Variants in MIA2 observed in about 807,000 individuals in gnomAD.
MIA2 encodes the protein melanoma inhibitory activity protein 2.
MIA2 carries 127 observed loss-of-function variants against 167.8 expected under a neutral mutation model. The observed-to-expected ratio is 0.76, with a 90% CI of 0.66 to 0.88. MIA2 has a LOEUF of 0.88. Among genes scored for constraint, MIA2 ranks in the 40% least tolerant of loss-of-function variants. The probability of loss-of-function intolerance (pLI) is 0.00; values close to 1 mark genes in which losing one functional copy is unlikely to be tolerated. For synonymous variants in MIA2, 552 were observed against 541.9 expected, an observed-to-expected ratio of 1.02 and a Z score of -0.26; for missense variants, 1,690 against 1,624.7, an observed-to-expected ratio of 1.04 and a Z score of -0.69.
intron 23 of MIA2, among the ~76,000 whole-genome samples, chr14:39,373,802 T>C (rs1016060307): frequency 6.6e-6 from 1 of 151,898 alleles, no homozygotes; most frequent in Non-Finnish European, 1.5e-5. Flanking sequence ...GCCTGCATGA[T>C]AGAGCAAGAG....
intron 25 of MIA2, among the ~76,000 whole-genome samples, chr14:39,329,644 G>C (rs549159413): frequency 8.7e-6 from 1 of 114,654 alleles, no homozygotes; most frequent in Admixed American, 9.0e-5. Flanking sequence ...TCACTACCTA[G>C]TTTATTGAGT....
rs1198350454 is a variant in MIA2 at position 39,308,597 on chromosome 14, A to G, written c.3017+10A>G. 6.5e-7 allele frequency: 1 copy of G among 1,534,126 alleles called. No homozygotes were observed. On this transcript the variant is annotated intron_variant, in intron 18 of 28. Transcript: ENST00000640607. ...AAATGAAACTCCACAGGTAATAAAA[A>G]TTATGTTAACTCCATTGAACAGCAA...
Position 39,249,018 on chromosome 14 carries a change from T to C in MIA2, c.1567+877T>C, listed in dbSNP as rs140878698. Among the ~76,000 whole-genome samples the C allele has an allele frequency of 6.6e-4, 100 of 152,290 alleles. No individual in the cohort carries two copies. The East Asian group carries it at 0.017, about 26-fold the overall frequency. On this transcript the variant is annotated intron_variant, in intron 4 of 28. Transcript: ENST00000640607. ...CCGCCCAAACTGCTAGGATTACAGG[T>C]GTGAGCCATCGTGCCTGGCCAGCTA...
At chr14:39,349,081 T>C (rs2074000701) in intron 28 of MIA2, 104 bp downstream of exon 28, 1 of 1,340,630 alleles carries the variant, frequency 7.5e-7, no homozygotes, top group Admixed American at 2.4e-5. Context: ...AGGAAAGTTT[T>C]TTCTAGCATT....
intron 25 of MIA2, among the ~76,000 whole-genome samples, chr14:39,330,243 A>G (rs2068514816): frequency 1.3e-5 from 2 of 152,234 alleles, no homozygotes; most frequent in Non-Finnish European, 2.9e-5. Flanking sequence ...TAGATTTTCT[A>G]GTTTGTTCAC....
chr14:39,300,915 C>CATAT (rs113051095), intron 14 of MIA2, among the ~76,000 whole-genome samples: 2 of 142,482 alleles, frequency 1.4e-5, no homozygotes, highest in African/African-American at 2.6e-5. Context: ...CAGAATTTGG[C>CATAT]ATATATATAT....
At chr14:39,293,165 A>C (rs8018990) in intron 10 of MIA2, 106 bp from the exon 11 acceptor site, 333,967 of 793,778 alleles carry the variant, frequency 0.42, 73,178 homozygotes, top group Non-Finnish European at 0.46. Context: ...GCAAATGTAT[A>C]AATGAAAGTT....
intron 9 of MIA2, among the ~76,000 whole-genome samples, chr14:39,288,466 TATATA>T (rs2060207053): frequency 2.9e-4 from 11 of 37,750 alleles, no homozygotes; most frequent in African/African-American, 1.6e-3. Context: ...TATATATATA[TATATA>T]TATATTTTTT....
At chr14:39,249,724 C>T (rs2054475378) in intron 4 of MIA2, among the ~76,000 whole-genome samples, 7 of 152,124 alleles carry the variant, frequency 4.6e-5, no homozygotes, top group Admixed American at 4.6e-4. Flanking sequence ...TCCGACATCT[C>T]CATCCTTATG....
chr14:39,332,510 A>G (rs1001745053), intron 25 of MIA2, among the ~76,000 whole-genome samples: 1 of 152,148 alleles, frequency 6.6e-6, no homozygotes, highest in African/African-American at 2.4e-5. Context: ...ATCCTTTGAA[A>G]GACGAGGCAT....
downstream of MIA2, among the ~76,000 whole-genome samples, chr14:39,355,292 C>T (rs557089767): frequency 1.5e-4 from 23 of 152,240 alleles, no homozygotes; most frequent in African/African-American, 5.5e-4. Flanking sequence ...AAGTTGGATT[C>T]CTAGGTATTT....
intron 23 of MIA2, among the ~76,000 whole-genome samples, chr14:39,380,575 C>T (rs1361391800): frequency 6.6e-6 from 1 of 151,640 alleles, no homozygotes; most frequent in Admixed American, 6.6e-5. Context: ...CCTCTGTAGT[C>T]CCAGCTACTA....
At chr14:39,295,526 TACTC>T (rs1409517926) in intron 13 of MIA2, among the ~76,000 whole-genome samples, 3 of 152,164 alleles carry the variant, frequency 2.0e-5, no homozygotes, top group South Asian at 2.1e-4. Flanking sequence ...ATCCAAATAT[TACTC>T]ACACCAGAGC....
intron 24 of MIA2, among the ~76,000 whole-genome samples, chr14:39,326,038 TA>T (rs1436943370): frequency 6.6e-6 from 1 of 152,220 alleles, no homozygotes; most frequent in Non-Finnish European, 1.5e-5. Context: ...TTAATTAAGG[TA>T]CTATCTTTTC....
rs765430399 is a variant in MIA2, at chr14:39,279,431, T to C, written c.2042-18T>C. 5.6e-6 allele frequency: 9 copies of C among 1,603,342 alleles called. No individual in the cohort carries two copies. The highest frequency in any genetic ancestry group is 4.0e-5 in the African/African-American group (3 of 74,106). On this transcript the variant is annotated intron_variant, in intron 8 of 28. Transcript: ENST00000640607. The stretch of plus-strand genomic sequence containing the variant: ...TTATAATAATTTACTCATGGTAATA[T>C]TGACTTGACTTTTTTAGGACGAGAG...
intron 25 of MIA2, among the ~76,000 whole-genome samples, chr14:39,345,404 T>C (rs1360342767): frequency 6.6e-6 from 1 of 152,162 alleles, no homozygotes; most frequent in Non-Finnish European, 1.5e-5. Context: ...AGATACTAAA[T>C]TCCAAAACGT....
chr14:39,381,174 C>A (rs2075153928), intron 23 of MIA2, among the ~76,000 whole-genome samples: 2 of 152,028 alleles, frequency 1.3e-5, no homozygotes. Flanking sequence ...TTAAGGAATC[C>A]TAGGCTGTTA....
At chr14:39,320,839 C>T in intron 23 of MIA2, 89 bp from the exon 24 acceptor site, 1 of 1,402,448 alleles carries the variant, frequency 7.1e-7, no homozygotes, top group African/African-American at 1.4e-5. Context: ...AATAGGATGA[C>T]CTGATGGTAA....
chr14:39,302,368 C>CAGAA, intron 15 of MIA2, 119 bp downstream of exon 15: 1 of 1,098,758 alleles, frequency 9.1e-7, no homozygotes, highest in Non-Finnish European at 1.3e-6. Context: ...TTCTGTCTGT[C>CAGAA]TGTGACACAC....
Sources: allele counts gnomAD v4.1 joint callset (sites outside exome capture counted in the v4.1 genomes callset), GRCh38; gene constraint gnomAD v4.1.1; transcripts MANE v1.5; gene names NCBI Gene and HGNC (gene_info 2026-07-23, HGNC 2026-07-21).